Variants in DENND1B observed in about 807,000 individuals in gnomAD.
DENND1B encodes the protein DENN domain-containing protein 1B.
DENND1B carries 59 observed loss-of-function variants against 90.1 expected under a neutral mutation model. The ratio of observed to expected loss-of-function variants is 0.65; its 90% confidence interval spans 0.53 to 0.81. DENND1B has a LOEUF of 0.81. DENND1B is among the 40% of genes least tolerant of loss of function. DENND1B has a pLI of 0.00. For synonymous variants in DENND1B, 337 were observed against 324.6 expected (o/e 1.04, Z -0.41); for missense variants, 862 against 912.6 (o/e 0.94, Z 0.71).
intron 14 of DENND1B, among the ~76,000 whole-genome samples, chr1:197,584,832 C>G (rs1030779418): frequency 2.6e-5 from 4 of 151,866 alleles, no homozygotes; most frequent in Non-Finnish European, 4.4e-5. Flanking sequence ...CCACCATGCC[C>G]GGCTAACATT....
intron 10 of DENND1B, among the ~76,000 whole-genome samples, chr1:197,620,070 T>C (rs1407327841): frequency 1.3e-5 from 2 of 151,282 alleles, no homozygotes; most frequent in Non-Finnish European, 3.0e-5. Context: ...TTATAAGGAA[T>C]CTGCTTTGGC....
intron 2 of DENND1B, among the ~76,000 whole-genome samples, chr1:197,743,637 A>G (rs1322945135): frequency 2.6e-5 from 4 of 152,214 alleles, no homozygotes; most frequent in African/African-American, 2.4e-5. Flanking sequence ...TCTTTGTACC[A>G]TAAGATGTGG....
rs35225644 is a variant in DENND1B, at chr1:197,639,069, A to ATT, written c.672+3640_672+3641dup. Reference sequence around the variant, plus strand: ...TAAACTTTTCATCTTTTAAAGGTTAATTTTTTTTTTTTTTGACATAGTCTC... The same window carrying ATT: ...TAAACTTTTCATCTTTTAAAGGTTAATTTTTTTTTTTTTTTTGACATAGTCTC... On this transcript the variant is annotated intron_variant, in intron 10 of 22. Coordinates refer to ENST00000620048, the MANE Select transcript of DENND1B (RefSeq NM_001195215.2). Among the ~76,000 whole-genome samples, 47 of 145,224 alleles carry ATT rather than the reference A, an allele frequency of 3.2e-4. No homozygotes were observed. The Middle Eastern group carries it at 0.011, about 33-fold the overall frequency.
intron 10 of DENND1B, among the ~76,000 whole-genome samples, chr1:197,631,311 T>A (rs933892951): frequency 1.3e-5 from 2 of 152,046 alleles, no homozygotes; most frequent in Non-Finnish European, 2.9e-5. Context: ...CTAGAAAGGA[T>A]CCTAGAAATC....
In DENND1B at chr1:197,747,032, C is replaced by T. The variant is rs150060084; in HGVS notation, c.82+25836G>A. 6.4e-4 allele frequency: 524 copies of T among 820,536 alleles called. 9 individuals are homozygous for T. In the East Asian group the frequency reaches 0.013, roughly 20 times the overall value. The allele number at this position is 820,536 out of a possible 1,614,324, so 50.8% of individuals were successfully genotyped here. A position where few individuals can be genotyped will look rare whatever the true frequency, so the allele number is the denominator to read the frequency against. ...ACATTTTTCCTTTTAACATGGCGTT[C>T]AAATCAATCATTGACTCCAAAATAC... On this transcript the variant is annotated intron_variant, in intron 2 of 22. Transcript: ENST00000620048.
chr1:197,731,498 A>C (rs1410339817), intron 2 of DENND1B, among the ~76,000 whole-genome samples: 1 of 152,072 alleles, frequency 6.6e-6, no homozygotes, highest in Non-Finnish European at 1.5e-5. Flanking sequence ...GTAGTATATA[A>C]TTATATCTTC....
chr1:197,508,572 T>TA lies in DENND1B; in HGVS notation c.*1887dup, dbSNP rs1252822548. 1 of 151,748 alleles carries TA rather than the reference T, an allele frequency of 6.6e-6. No homozygotes were observed. Among genetic ancestry groups the TA allele is most frequent in the African/African-American group, 2.4e-5 (1 of 41,380 alleles). 9.4% of individuals were successfully genotyped at this position (151,748 alleles called of 1,614,324 possible). A position where few individuals can be genotyped will look rare whatever the true frequency, so the allele number is the denominator to read the frequency against. The stretch of plus-strand genomic sequence containing the variant: ...CATTTAGATTTTGAAACGTAGGTTT[T>TA]AAAAAAACTTGGTCATTTTCTTTAA... On this transcript the variant is annotated 3_prime_UTR_variant, in exon 23 of 23. Transcript: ENST00000620048.
intron 10 of DENND1B, among the ~76,000 whole-genome samples, chr1:197,617,970 A>G (rs1482685824): frequency 4.6e-5 from 7 of 151,162 alleles, no homozygotes; most frequent in African/African-American, 1.7e-4. Flanking sequence ...CTTCTTGGGA[A>G]TCATGTAGAT....
At chr1:197,751,111 C>G (rs1653447198) in intron 2 of DENND1B, among the ~76,000 whole-genome samples, 1 of 152,172 alleles carries the variant, frequency 6.6e-6, no homozygotes, top group Non-Finnish European at 1.5e-5. Context: ...TTAAACAATA[C>G]ATCCAACAAC....
At chr1:197,522,986 T>C (rs890506310) in intron 20 of DENND1B, among the ~76,000 whole-genome samples, 19 of 152,168 alleles carry the variant, frequency 1.2e-4, no homozygotes, top group Admixed American at 9.2e-4. Flanking sequence ...CGCAAGCTCT[T>C]TTCCATATGT....
intron 3 of DENND1B, among the ~76,000 whole-genome samples, chr1:197,695,613 A>G (rs538872454): frequency 2.6e-5 from 4 of 151,144 alleles, no homozygotes; most frequent in East Asian, 1.9e-4. Context: ...TTACTATTAC[A>G]TATCAAAAAT....
rs953508499 is a variant in DENND1B, at chr1:197,598,889, G to A, written c.922-3556C>T. 7.9e-5 allele frequency among the ~76,000 whole-genome samples: 12 copies of A among 151,732 alleles called. No homozygotes were observed. In the South Asian group the frequency reaches 1.0e-3, roughly 13 times the overall value. ...TTTAGTATTAGGATAGATCACAAAC[G>A]AAAAGTTAAACAATGAAAAGAAAAT... On this transcript the variant is annotated intron_variant, in intron 13 of 22. Transcript: ENST00000620048.
At chr1:197,656,835 A>C (rs1208351701) in intron 6 of DENND1B, among the ~76,000 whole-genome samples, 1 of 150,652 alleles carries the variant, frequency 6.6e-6, no homozygotes, top group Non-Finnish European at 1.5e-5. Flanking sequence ...ATCAAAGATT[A>C]AGGGAAAAAA....
intron 20 of DENND1B, among the ~76,000 whole-genome samples, chr1:197,522,013 G>C (rs986448998): frequency 2.6e-5 from 4 of 151,966 alleles, no homozygotes; most frequent in African/African-American, 9.7e-5. Flanking sequence ...AACTATGCTA[G>C]ATAAATAAGT....
chr1:197,594,897 G>A (rs759557290), intron 14 of DENND1B, among the ~76,000 whole-genome samples: 1 of 151,956 alleles, frequency 6.6e-6, no homozygotes, highest in African/African-American at 2.4e-5. Context: ...AACAAGATCA[G>A]GTAAGTGTTT....
intron 18 of DENND1B, 49 bp from the exon 19 acceptor site, chr1:197,541,064 T>G: frequency 6.6e-7 from 1 of 1,505,554 alleles, no homozygotes; most frequent in African/African-American, 1.4e-5. Flanking sequence ...TCCATTACCA[T>G]TTAAAGAATA....
At chr1:197,679,993 T>C (rs1558393679) in intron 3 of DENND1B, among the ~76,000 whole-genome samples, 1 of 151,334 alleles carries the variant, frequency 6.6e-6, no homozygotes, top group Non-Finnish European at 1.5e-5. Flanking sequence ...CTAAAAAATA[T>C]ATAAAAATTA....
intron 2 of DENND1B, among the ~76,000 whole-genome samples, chr1:197,739,380 T>C (rs899063733): frequency 1.3e-5 from 2 of 152,168 alleles, no homozygotes; most frequent in Non-Finnish European, 2.9e-5. Flanking sequence ...GAAGAAATCA[T>C]ATAATGCACC....
chr1:197,682,003 T>C (rs1656740527), intron 3 of DENND1B, among the ~76,000 whole-genome samples: 1 of 152,040 alleles, frequency 6.6e-6, no homozygotes, highest in South Asian at 2.1e-4. Context: ...GCCTGGAACC[T>C]AGTTCAGAAC....
Sources: gnomAD v4.1 joint callset for allele counts (sites outside exome capture counted in the v4.1 genomes callset) on GRCh38, gnomAD v4.1.1 for gene constraint, MANE v1.5 for transcripts, NCBI Gene and HGNC (gene_info 2026-07-23, HGNC 2026-07-21) for gene names.